IGF1R: variants seen among roughly 807,000 people sequenced by gnomAD.
IGF1R encodes insulin like growth factor 1 receptor.
A neutral mutation model predicts 144.6 loss-of-function variants in IGF1R; 44 were observed. That is an observed-to-expected ratio of 0.30 (90% CI 0.24 to 0.39). The LOEUF (loss-of-function observed/expected upper bound fraction) is 0.39, where lower values mean the gene tolerates loss of function less well. Among genes scored for constraint, IGF1R ranks in the 10% least tolerant of loss-of-function variants. The pLI is 1.00. For missense variants in IGF1R, 1,355 were observed against 1,833.7 expected (o/e 0.74, Z 4.77); for synonymous variants, 795 against 722.8 (o/e 1.10, Z -1.60).
rs778401070 is a variant in IGF1R at position 98,708,119 on chromosome 15, G to T, written c.640+12G>T. 3.7e-6 allele frequency: 6 copies of T among 1,607,100 alleles called. No individual in the cohort carries two copies. The Admixed American group carries it at 1.0e-4, about 27-fold the overall frequency. On this transcript the variant is annotated intron_variant, in intron 2 of 20. Transcript: ENST00000650285. The stretch of plus-strand genomic sequence containing the variant: ...CCGCTGCCAGAAAAGTAAGAATGAT[G>T]CTGACTGCTGCTTTCTCTCTGCCTC...
At chr15:98,669,570 G>A (rs1007750872) in intron 1 of IGF1R, among the ~76,000 whole-genome samples, 5 of 152,202 alleles carry the variant, frequency 3.3e-5, no homozygotes, top group African/African-American at 1.2e-4. Context: ...TCTGGACAGG[G>A]CATGACAGGG....
chr15:98,663,752 G>A (rs561143599), intron 1 of IGF1R, among the ~76,000 whole-genome samples: 49 of 152,358 alleles, frequency 3.2e-4, no homozygotes, highest in Admixed American at 1.1e-3. Flanking sequence ...CCGAGGCTGG[G>A]AGAGGGCGGT....
At chr15:98,926,163 T>C (rs2015709927) in intron 13 of IGF1R, among the ~76,000 whole-genome samples, 1 of 152,166 alleles carries the variant, frequency 6.6e-6, no homozygotes, top group Non-Finnish European at 1.5e-5. Flanking sequence ...AAATGTCGTT[T>C]GTGGCAACCT....
At chr15:98,740,305 T>G (rs1208240749) in intron 2 of IGF1R, among the ~76,000 whole-genome samples, 1 of 152,208 alleles carries the variant, frequency 6.6e-6, no homozygotes, top group Non-Finnish European at 1.5e-5. Context: ...TCTCTGCCAG[T>G]TTTTCCCTTA....
chr15:98,835,191 C>T (rs917681726), intron 2 of IGF1R, among the ~76,000 whole-genome samples: 1 of 147,656 alleles, frequency 6.8e-6, no homozygotes, highest in African/African-American at 2.6e-5. Flanking sequence ...AAACCTACAC[C>T]CACACACCTT....
At chr15:98,765,282 C>CTG (rs1046326344) in intron 2 of IGF1R, among the ~76,000 whole-genome samples, 14 of 148,140 alleles carry the variant, frequency 9.5e-5, no homozygotes, top group Admixed American at 9.4e-4. Context: ...ATATCTCTCT[C>CTG]TCTCACCCAA....
intron 2 of IGF1R, among the ~76,000 whole-genome samples, chr15:98,780,550 A>C (rs1399976541): frequency 3.6e-4 from 2 of 5,484 alleles, no homozygotes; most frequent in African/African-American, 8.5e-4. Flanking sequence ...ACTCTGTCTC[A>C]AAAAAAAAAA....
intron 2 of IGF1R, among the ~76,000 whole-genome samples, chr15:98,767,178 A>T (rs967333274): frequency 2.6e-5 from 4 of 151,868 alleles, no homozygotes; most frequent in Non-Finnish European, 5.9e-5. Flanking sequence ...TTTTACATGC[A>T]TTGGTTAGGT....
intron 2 of IGF1R, among the ~76,000 whole-genome samples, chr15:98,790,244 G>A (rs962440654): frequency 2.0e-5 from 3 of 152,142 alleles, no homozygotes; most frequent in Admixed American, 6.5e-5. Flanking sequence ...AAGGGAAAGG[G>A]GGTGGCCTGG....
chr15:98,801,121 C>T (rs1278158112), intron 2 of IGF1R, among the ~76,000 whole-genome samples: 1 of 152,120 alleles, frequency 6.6e-6, no homozygotes, highest in Non-Finnish European at 1.5e-5. Flanking sequence ...CCCAGCACCA[C>T]TTAAGAGAAG....
At chr15:98,680,864 C>CTTTTTT (rs71149411) in intron 1 of IGF1R, among the ~76,000 whole-genome samples, 1 of 142,540 alleles carries the variant, frequency 7.0e-6, no homozygotes, top group Non-Finnish European at 1.5e-5. Context: ...GCCATATGTA[C>CTTTTTT]TTTTTTTTTT....
chr15:98,911,609 C>G (rs934232583), intron 7 of IGF1R, among the ~76,000 whole-genome samples, 168 bp downstream of exon 7: 2 of 152,178 alleles, frequency 1.3e-5, no homozygotes, highest in Non-Finnish European at 2.9e-5. Context: ...CTCGGGCTGT[C>G]CCTGTGATGT....
At chr15:98,780,549 C>CAAAAA (rs1192949160) in intron 2 of IGF1R, among the ~76,000 whole-genome samples, 2 of 24,010 alleles carry the variant, frequency 8.3e-5, no homozygotes, top group Non-Finnish European at 1.5e-4. Context: ...AACTCTGTCT[C>CAAAAA]AAAAAAAAAA....
At chr15:98,658,431 C>A (rs1486193375) in intron 1 of IGF1R, among the ~76,000 whole-genome samples, 1 of 152,116 alleles carries the variant, frequency 6.6e-6, no homozygotes, top group Non-Finnish European at 1.5e-5. Flanking sequence ...GACATTTCTC[C>A]TTTTCTCACT....
chr15:98,659,831 C>G (rs1485550875), intron 1 of IGF1R, among the ~76,000 whole-genome samples: 2 of 152,148 alleles, frequency 1.3e-5, no homozygotes, highest in East Asian at 3.8e-4. Context: ...TCTATTTAAA[C>G]AGGTAGTAAC....
At chr15:98,672,225 T>G (rs1036587703) in intron 1 of IGF1R, among the ~76,000 whole-genome samples, 4 of 152,220 alleles carry the variant, frequency 2.6e-5, no homozygotes, top group Admixed American at 1.3e-4. Flanking sequence ...AAGAAAATGA[T>G]GGACTGGCAG....
chr15:98,848,330 A>G (rs2011413811), intron 2 of IGF1R, among the ~76,000 whole-genome samples: 1 of 152,218 alleles, frequency 6.6e-6, no homozygotes, highest in Non-Finnish European at 1.5e-5. Flanking sequence ...TGAAATACAG[A>G]CCATCACCCA....
At chr15:98,862,028 G>A (rs1788953232) in intron 2 of IGF1R, among the ~76,000 whole-genome samples, 1 of 151,678 alleles carries the variant, frequency 6.6e-6, no homozygotes, top group South Asian at 2.1e-4. Flanking sequence ...CTTTTCAGAT[G>A]AGATTTGGGT....
At chr15:98,737,991 G>C (rs2054651950) in intron 2 of IGF1R, among the ~76,000 whole-genome samples, 1 of 152,206 alleles carries the variant, frequency 6.6e-6, no homozygotes, top group South Asian at 2.1e-4. Context: ...AAGGTCTGCT[G>C]CTCTGAGGTG....
Sources: allele counts gnomAD v4.1 joint callset (sites outside exome capture counted in the v4.1 genomes callset), GRCh38; gene constraint gnomAD v4.1.1; transcripts MANE v1.5; gene names NCBI Gene and HGNC (gene_info 2026-07-23, HGNC 2026-07-21).